Variants in MARK3 observed in about 807,000 individuals in gnomAD.
The protein encoded by MARK3 is MAP/microtubule affinity-regulating kinase 3.
Under a neutral mutation model 90.1 loss-of-function variants are expected in MARK3, and 46 were observed. That is an observed-to-expected ratio of 0.51 (90% CI 0.40 to 0.65). The LOEUF is 0.65. MARK3 is among the 30% of genes least tolerant of loss of function. MARK3 has a pLI of 0.00. For synonymous variants in MARK3, 321 were observed against 332.6 expected (o/e 0.97, Z 0.38); for missense variants, 818 against 947.2 (o/e 0.86, Z 1.79).
intron 15 of MARK3, among the ~76,000 whole-genome samples, chr14:103,496,406 C>A (rs1424445207): frequency 6.9e-6 from 1 of 145,846 alleles, no homozygotes; most frequent in African/African-American, 2.6e-5. Context: ...CATAATGAGA[C>A]CCCATCTCTA....
In MARK3 at chr14:103,481,757, C is replaced by CTTTTTTTTTTTTTTTTTTTTTTTT. The variant is rs71126030; in HGVS notation, c.1586+1271_1586+1294dup. ...CAGATAATGATTGATATAGGTATTT[C>CTTTTTTTTTTTTTTTTTTTTTTTT]TTTTTTTTTTTTTTTTTTTTTTTTT... On this transcript the variant is annotated intron_variant, in intron 14 of 17. Coordinates refer to ENST00000429436, the MANE Select transcript of MARK3 (RefSeq NM_001128918.3). Among the ~76,000 whole-genome samples the CTTTTTTTTTTTTTTTTTTTTTTTT allele has an allele frequency of 8.0e-5, 4 of 49,778 alleles. 1 individual carries two copies. Among genetic ancestry groups the CTTTTTTTTTTTTTTTTTTTTTTTT allele is most frequent in the African/African-American group, 1.7e-4 (2 of 11,510 alleles). The allele number at this position is 49,778 out of a possible 152,430, so 32.7% of individuals were successfully genotyped here. A position where few individuals can be genotyped will look rare whatever the true frequency, so the allele number is the denominator to read the frequency against.
intron 2 of MARK3, chr14:103,412,314 A>G: frequency 1.6e-6 from 1 of 630,658 alleles, no homozygotes; most frequent in South Asian, 1.9e-5. Context: ...TTGATTGTGG[A>G]CTTCGCCTCA....
At chr14:103,477,897 G>T (rs1323375073) in intron 13 of MARK3, among the ~76,000 whole-genome samples, 1 of 151,898 alleles carries the variant, frequency 6.6e-6, no homozygotes, top group Non-Finnish European at 1.5e-5. Flanking sequence ...AGCTTGAGAG[G>T]CTCAGGTGGG....
At chr14:103,427,063 CTCTT>C (rs2092428670) in intron 2 of MARK3, among the ~76,000 whole-genome samples, 1 of 151,770 alleles carries the variant, frequency 6.6e-6, no homozygotes, top group Admixed American at 6.6e-5. Flanking sequence ...CTCTCTCTCT[CTCTT>C]TTTTTCTTGG....
chr14:103,488,902 G>A (rs182187464), intron 14 of MARK3, among the ~76,000 whole-genome samples: 4 of 152,290 alleles, frequency 2.6e-5, no homozygotes, highest in Admixed American at 6.5e-5. Flanking sequence ...TTTTAAAGAC[G>A]TATCTGCTTT....
intron 15 of MARK3, among the ~76,000 whole-genome samples, chr14:103,494,337 A>G (rs1424071456): frequency 6.6e-6 from 1 of 151,024 alleles, no homozygotes; most frequent in East Asian, 1.9e-4. Flanking sequence ...GGATCACCTG[A>G]GGTCGGGAAT....
chr14:103,475,211 G>A lies in MARK3; in HGVS notation c.1482+1G>A. 1 of 1,612,556 alleles carries A rather than the reference G, an allele frequency of 6.2e-7. No individual in the cohort carries two copies. Among genetic ancestry groups the A allele is most frequent in the Non-Finnish European group, 8.5e-7 (1 of 1,179,816 alleles). ...CAAGAAAAGCTCCACTGTCCCTAGT[G>A]TAAGTGTTGTTGAACTATAGAGTGG... On this transcript the variant is annotated splice_donor_variant, in intron 13 of 17. Coordinates refer to ENST00000429436, the MANE Select transcript of MARK3 (RefSeq NM_001128918.3). LOFTEE classifies it high-confidence loss of function.
At position 103,391,709 on chromosome 14, in the gene MARK3, A is replaced by ATTTTTT. The variant is rs71126012; in HGVS notation, c.51+5652_51+5657dup. The stretch of plus-strand genomic sequence containing the variant: ...CAGGCTCCCGCCACCATGCCTGGCT[A>ATTTTTT]TTTTTTTTTTTTTTTTTTTTTTTTT... On this transcript the variant is annotated intron_variant, in intron 1 of 17. Transcript: ENST00000429436. Among the ~76,000 whole-genome samples the ATTTTTT allele has an allele frequency of 7.2e-5, 5 of 69,684 alleles. 1 individual carries two copies. Among genetic ancestry groups the ATTTTTT allele is most frequent in the African/African-American group, 3.1e-4 (4 of 13,080 alleles). The allele number at this position is 69,684 out of a possible 152,430, so 45.7% of individuals were successfully genotyped here. A position where few individuals can be genotyped will look rare whatever the true frequency, so the allele number is the denominator to read the frequency against.
intron 3 of MARK3, among the ~76,000 whole-genome samples, chr14:103,441,908 A>G (rs944717115): frequency 6.6e-6 from 1 of 152,126 alleles, no homozygotes; most frequent in Non-Finnish European, 1.5e-5. Flanking sequence ...TTTTATTTTT[A>G]ATGATAGGAC....
intron 9 of MARK3, 60 bp downstream of exon 9, chr14:103,466,151 C>A (rs2093498340): frequency 1.3e-6 from 2 of 1,580,190 alleles, no homozygotes; most frequent in East Asian, 2.2e-5. Flanking sequence ...GACCTTAGAT[C>A]TTTGCTTGAT....
At chr14:103,435,566 G>A (rs183754204) in intron 3 of MARK3, among the ~76,000 whole-genome samples, 49 of 151,144 alleles carry the variant, frequency 3.2e-4, no homozygotes, top group African/African-American at 1.1e-3. Context: ...CCGCCACCAC[G>A]CCCGGCTAAT....
intron 3 of MARK3, among the ~76,000 whole-genome samples, chr14:103,437,713 TG>T (rs1417925736): frequency 6.6e-6 from 1 of 152,180 alleles, no homozygotes; most frequent in African/African-American, 2.4e-5. Context: ...AATATAAACT[TG>T]GGTGCAAATT....
At chr14:103,426,016 C>T (rs1332489362) in intron 2 of MARK3, among the ~76,000 whole-genome samples, 1 of 152,216 alleles carries the variant, frequency 6.6e-6, no homozygotes, top group Non-Finnish European at 1.5e-5. Flanking sequence ...AAAAGTATGA[C>T]ATGGGGAGAC....
chr14:103,468,165 CAAAGACG>C lies in MARK3; in HGVS notation c.1244_1250del (p.Gln415ProfsTer86). 6.2e-7 allele frequency: 1 copy of C among 1,613,918 alleles called. No homozygotes were observed. The highest frequency in any genetic ancestry group is 1.1e-5 in the South Asian group (1 of 91,068). The stretch of plus-strand genomic sequence containing the variant: ...GAGAAGTGTTTCTTCAAGCCAAAAG[CAAAGACG>C]CTACAGTGACCATGGTAAGTTTTGG... On this transcript the variant is annotated frameshift_variant, in exon 12 of 18. Coordinates refer to ENST00000429436, the MANE Select transcript of MARK3 (RefSeq NM_001128918.3). LOFTEE classifies it high-confidence loss of function.
intron 2 of MARK3, among the ~76,000 whole-genome samples, chr14:103,406,902 C>G (rs1261300965): frequency 4.6e-5 from 7 of 152,162 alleles, no homozygotes; most frequent in Non-Finnish European, 2.9e-5. Flanking sequence ...GGTGCAATCT[C>G]GGCTCACTGC....
intron 11 of MARK3, 64 bp from the exon 12 acceptor site, chr14:103,467,969 A>T: frequency 6.5e-7 from 1 of 1,539,936 alleles, no homozygotes; most frequent in South Asian, 1.2e-5. Context: ...TGAAAAGTTT[A>T]ACTTCCTAAT....
intron 5 of MARK3, among the ~76,000 whole-genome samples, chr14:103,456,488 C>T (rs1222502016): frequency 6.6e-6 from 1 of 152,172 alleles, no homozygotes; most frequent in East Asian, 1.9e-4. Context: ...AATCTTACCC[C>T]AGATAACTAC....
Position 103,451,942 on chromosome 14 carries a change from C to T in MARK3, c.371C>T (p.Thr124Ile), listed in dbSNP as rs2093156855. 5.0e-6 allele frequency: 8 copies of T among 1,611,736 alleles called. No homozygotes were observed. The highest frequency in any genetic ancestry group is 5.9e-6 in the Non-Finnish European group (7 of 1,178,952). The change falls in exon 5 of 18, where the codon ACT becomes ATT. Residue 124 changes from threonine (T) to isoleucine (I), a missense_variant. Physicochemically the swap from Thr to Ile is moderately conservative, Grantham distance 89 (BLOSUM62 -1). Around this residue, in one of 3 missense-constraint regions of MARK3, gnomAD observed 157 missense variants for 158.7 expected, o/e 0.99. Coordinates refer to ENST00000429436, the MANE Select transcript of MARK3 (RefSeq NM_001128918.3). ...NIVKLFEVIE[T>I]EKTLYLIMEY... The stretch of plus-strand genomic sequence containing the variant: ...GTGAAGTTATTCGAAGTCATTGAAA[C>T]TGAAAAAACACTCTACCTAATCATG...
At chr14:103,428,296 T>C (rs892767461) in intron 2 of MARK3, 91 bp from the exon 3 acceptor site, 4 of 637,664 alleles carry the variant, frequency 6.3e-6, no homozygotes, top group Non-Finnish European at 8.0e-6. Flanking sequence ...GCTTGCTTGC[T>C]TGCTTGCTTC....
Sources: allele counts gnomAD v4.1 joint callset (sites outside exome capture counted in the v4.1 genomes callset), GRCh38; gene constraint gnomAD v4.1.1; regional missense constraint gnomAD v4.1.1; transcripts MANE v1.5; gene names NCBI Gene and HGNC (gene_info 2026-07-23, HGNC 2026-07-21).